Variants in SOX6 observed in about 807,000 individuals in gnomAD.
The protein encoded by SOX6 is transcription factor SOX-6.
Under a neutral mutation model 97.8 loss-of-function variants are expected in SOX6, and 11 were observed. That is an observed-to-expected ratio of 0.11 (90% confidence interval 0.07 to 0.19). The LOEUF is 0.19. Among genes scored for constraint, SOX6 ranks in the 10% least tolerant of loss-of-function variants. SOX6 has a pLI of 1.00. For synonymous variants in SOX6, 360 were observed against 371.4 expected (o/e 0.97, Z 0.35); for missense variants, 810 against 1,039.5 (o/e 0.78, Z 3.04).
intron 3 of SOX6, among the ~76,000 whole-genome samples, chr11:16,274,645 C>T (rs1452908687): frequency 6.6e-6 from 1 of 152,144 alleles, no homozygotes; most frequent in African/African-American, 2.4e-5. Flanking sequence ...CACATTCCCA[C>T]ATTTGTTAAA....
At chr11:16,487,993 C>G (rs144447857) in intron 4 of SOX6, among the ~76,000 whole-genome samples, 1 of 152,170 alleles carries the variant, frequency 6.6e-6, no homozygotes, top group African/African-American at 2.4e-5. Flanking sequence ...TATGGGAATA[C>G]AGAGAGTCAA....
At chr11:16,427,783 T>G (rs866121841) in intron 1 of SOX6, among the ~76,000 whole-genome samples, 74 of 152,334 alleles carry the variant, frequency 4.9e-4, no homozygotes, top group African/African-American at 1.4e-3. Context: ...AGTGCCGCAA[T>G]AAACATATGT....
intron 12 of SOX6, among the ~76,000 whole-genome samples, chr11:16,020,112 C>G (rs1280018896): frequency 1.3e-5 from 2 of 152,104 alleles, no homozygotes; most frequent in Admixed American, 1.3e-4. Flanking sequence ...TTCTCTTTAC[C>G]CAGCTTCCCC....
chr11:16,627,574 T>G (rs1450248951), intron 3 of SOX6, among the ~76,000 whole-genome samples: 2 of 152,242 alleles, frequency 1.3e-5, no homozygotes, highest in Non-Finnish European at 2.9e-5. Flanking sequence ...TTTTTCACGT[T>G]TTTTGGCCAC....
chr11:16,385,663 C>T (rs1857961434), intron 1 of SOX6, among the ~76,000 whole-genome samples: 1 of 152,030 alleles, frequency 6.6e-6, no homozygotes, highest in Non-Finnish European at 1.5e-5. Context: ...AATGCAAACT[C>T]CTGTGATCAC....
At chr11:15,999,339 C>T (rs1472647197) in intron 13 of SOX6, among the ~76,000 whole-genome samples, 5 of 152,028 alleles carry the variant, frequency 3.3e-5, no homozygotes, top group Non-Finnish European at 7.4e-5. Context: ...AATTAAAATG[C>T]ATATTTACTT....
intron 3 of SOX6, among the ~76,000 whole-genome samples, chr11:16,711,720 G>C (rs1367734166): frequency 6.6e-6 from 1 of 151,484 alleles, no homozygotes; most frequent in African/African-American, 2.4e-5. Flanking sequence ...AAAATGTTAT[G>C]TTTCTTTTTT....
intron 4 of SOX6, among the ~76,000 whole-genome samples, chr11:16,229,901 T>G (rs907615269): frequency 9.9e-5 from 15 of 151,754 alleles, no homozygotes; most frequent in African/African-American, 3.4e-4. Context: ...AATTCAACTA[T>G]GAACACTGCT....
chr11:16,013,911 C>T (rs1039272750), intron 13 of SOX6, among the ~76,000 whole-genome samples: 7 of 151,896 alleles, frequency 4.6e-5, no homozygotes, highest in African/African-American at 1.4e-4. Context: ...CATGTGTTTT[C>T]GAGGGATTTT....
chr11:16,385,613 A>T (rs1857959874), intron 1 of SOX6, among the ~76,000 whole-genome samples: 1 of 152,110 alleles, frequency 6.6e-6, no homozygotes, highest in Non-Finnish European at 1.5e-5. Flanking sequence ...TTGGGAGCAT[A>T]TTTTAATCCA....
At chr11:16,162,417 C>T (rs577573472) in intron 6 of SOX6, among the ~76,000 whole-genome samples, 9 of 152,224 alleles carry the variant, frequency 5.9e-5, no homozygotes, top group African/African-American at 1.4e-4. Context: ...TAATTCCCAA[C>T]GTTGGAGGCA....
chr11:16,407,611 C>A (rs1858714198), intron 1 of SOX6, among the ~76,000 whole-genome samples: 1 of 152,170 alleles, frequency 6.6e-6, no homozygotes, highest in African/African-American at 2.4e-5. Flanking sequence ...AATTCCTAAC[C>A]CTTGTGGCAA....
chr11:16,677,143 TAAAC>T (rs1847889928), intron 3 of SOX6, among the ~76,000 whole-genome samples: 1 of 152,296 alleles, frequency 6.6e-6, no homozygotes, highest in South Asian at 2.1e-4. Context: ...AGTTCTGAGT[TAAAC>T]AAACTAATGG....
chr11:16,377,910 C>T (rs768748166), intron 1 of SOX6, among the ~76,000 whole-genome samples: 9 of 152,146 alleles, frequency 5.9e-5, no homozygotes, highest in South Asian at 2.1e-4. Context: ...CAAAACACTA[C>T]GGTTTCAAAC....
At chr11:15,973,214 T>G in intron 15 of SOX6, 102 bp from the exon 16 acceptor site, 1 of 1,128,504 alleles carries the variant, frequency 8.9e-7, no homozygotes, top group Non-Finnish European at 1.3e-6. Context: ...AAGGGAGCCC[T>G]AAATAAATGT....
intron 3 of SOX6, among the ~76,000 whole-genome samples, chr11:16,290,092 C>T (rs1485396372): frequency 6.6e-6 from 1 of 151,942 alleles, no homozygotes; most frequent in Admixed American, 6.6e-5. Context: ...GGTTACTACC[C>T]TCAGAATGGA....
intron 3 of SOX6, among the ~76,000 whole-genome samples, chr11:16,266,994 A>G (rs1854100598): frequency 4.5e-4 from 2 of 4,488 alleles, no homozygotes; most frequent in African/African-American, 1.4e-3. Context: ...ACCCGTATGT[A>G]AAAGAATGAA....
At chr11:16,707,206 T>C (rs1484238140) in intron 3 of SOX6, among the ~76,000 whole-genome samples, 2 of 152,144 alleles carry the variant, frequency 1.3e-5, no homozygotes, top group Non-Finnish European at 2.9e-5. Context: ...TAAAATAAAT[T>C]AGTCAGTTTT....
chr11:16,528,340 A>G (rs1861196685), intron 4 of SOX6, among the ~76,000 whole-genome samples: 2 of 152,258 alleles, frequency 1.3e-5, no homozygotes, highest in Middle Eastern at 3.4e-3. Context: ...TCTCATACCA[A>G]TATTTCAAGG....
Sources: gnomAD v4.1 joint callset for allele counts (sites outside exome capture counted in the v4.1 genomes callset) on GRCh38, gnomAD v4.1.1 for gene constraint, MANE v1.5 for transcripts, NCBI Gene and HGNC (gene_info 2026-07-23, HGNC 2026-07-21) for gene names.